C7: variants seen among roughly 807,000 people sequenced by gnomAD.
The protein encoded by C7 is complement component C7.
A neutral mutation model predicts 104.8 loss-of-function variants in C7; 83 were observed. The observed-to-expected ratio is 0.79, with a 90% CI of 0.66 to 0.95. The LOEUF is 0.95. Among genes scored for constraint, C7 ranks in the 40% least tolerant of loss-of-function variants. The pLI is 0.00. For synonymous variants in C7, 415 were observed against 360.6 expected (o/e 1.15, Z -1.71); for missense variants, 1,070 against 1,011.2 (o/e 1.06, Z -0.79).
chr5:40,963,199 T>C (rs1233565559), intron 13 of C7, among the ~76,000 whole-genome samples: 1 of 152,190 alleles, frequency 6.6e-6, no homozygotes. Context: ...TATTGCTCTG[T>C]GGACTGGCTG....
chr5:40,919,355 C>T (rs1739393328), intron 1 of C7, among the ~76,000 whole-genome samples: 1 of 152,104 alleles, frequency 6.6e-6, no homozygotes, highest in Non-Finnish European at 1.5e-5. Flanking sequence ...AAACTCCTAA[C>T]CTCAAGTGAT....
chr5:40,966,449 G>A (rs1740552944), intron 14 of C7, among the ~76,000 whole-genome samples: 2 of 151,270 alleles, frequency 1.3e-5, no homozygotes, highest in South Asian at 4.2e-4. Flanking sequence ...TCAGCTCACT[G>A]CAACCTCTGC....
intron 14 of C7, among the ~76,000 whole-genome samples, chr5:40,966,356 T>C (rs537778909): frequency 6.6e-6 from 1 of 152,000 alleles, no homozygotes; most frequent in Non-Finnish European, 1.5e-5. Flanking sequence ...AGTGAGAACA[T>C]GCAATGTTTG....
intron 9 of C7, chr5:40,955,049 T>C (rs970048425): frequency 3.0e-5 from 8 of 266,688 alleles, no homozygotes; most frequent in African/African-American, 1.4e-4. Flanking sequence ...CAACATCTCC[T>C]AACAGAGTGG....
intron 10 of C7, among the ~76,000 whole-genome samples, chr5:40,956,730 C>A (rs1157633014): frequency 6.6e-6 from 1 of 152,242 alleles, no homozygotes; most frequent in Non-Finnish European, 1.5e-5. Flanking sequence ...TGCAATAGGT[C>A]CTCAAGTCCC....
rs796142372 is a variant in C7 at position 40,954,517 on chromosome 5, T to G, written c.1094-870T>G. Among the ~76,000 whole-genome samples, 40 of 152,224 alleles carry G rather than the reference T, an allele frequency of 2.6e-4. 1 individual carries two copies. Among genetic ancestry groups the G allele is most frequent in the African/African-American group, 9.4e-4 (39 of 41,556 alleles). ...TAATGTGATACTCACACTAAAAATA[T>G]AAAGAACATGAACAATAATTCCCTA... On this transcript the variant is annotated intron_variant, in intron 9 of 17. Coordinates refer to ENST00000313164, the MANE Select transcript of C7 (RefSeq NM_000587.4).
At chr5:40,975,644 G>A (rs374368292) in intron 15 of C7, among the ~76,000 whole-genome samples, 5 of 152,114 alleles carry the variant, frequency 3.3e-5, no homozygotes, top group South Asian at 2.1e-4. Context: ...GATTACGGGC[G>A]TGAGCCACCG....
intron 6 of C7, among the ~76,000 whole-genome samples, chr5:40,939,992 C>T (rs894606263): frequency 2.1e-4 from 32 of 152,206 alleles, no homozygotes; most frequent in South Asian, 1.9e-3. Flanking sequence ...TTTTGAGGAG[C>T]AGTCTGAGGG....
chr5:40,921,375 A>G (rs1020187720), intron 1 of C7, among the ~76,000 whole-genome samples: 1 of 152,098 alleles, frequency 6.6e-6, no homozygotes, highest in Non-Finnish European at 1.5e-5. Context: ...TAAAATATCT[A>G]TACTCCCCAA....
rs1236857605 is a variant in C7, at chr5:40,982,152, T to A, written c.*579T>A. ...AGATAGGAATTCCTTATTCTTTTTT[T>A]AATTTTTTTAAGACAGAGTCTCACT... On this transcript the variant is annotated 3_prime_UTR_variant, in exon 18 of 18. Coordinates refer to ENST00000313164, the MANE Select transcript of C7 (RefSeq NM_000587.4). 6.6e-6 allele frequency: 1 copy of A among 152,208 alleles called. No homozygotes were observed. The highest frequency in any genetic ancestry group is 1.5e-5 in the Non-Finnish European group (1 of 68,076). The allele number at this position is 152,208 out of a possible 1,614,324, so 9.4% of individuals were successfully genotyped here.
At chr5:40,932,757 G>T (rs1739722961) in intron 3 of C7, among the ~76,000 whole-genome samples, 1 of 152,116 alleles carries the variant, frequency 6.6e-6, no homozygotes, top group South Asian at 2.1e-4. Context: ...ACACTAAATA[G>T]AAGCAGAGAG....
intron 1 of C7, among the ~76,000 whole-genome samples, chr5:40,915,254 T>C (rs1354994127): frequency 6.6e-6 from 1 of 152,188 alleles, no homozygotes; most frequent in East Asian, 1.9e-4. Context: ...GATTCTGTTT[T>C]ACTCTTGTCT....
intron 14 of C7, chr5:40,967,910 T>C (rs1030101026): frequency 1.3e-5 from 2 of 152,336 alleles, no homozygotes; most frequent in African/African-American, 4.8e-5. Context: ...ATTTTCTTTA[T>C]ATTTTTCTGG....
intron 14 of C7, among the ~76,000 whole-genome samples, chr5:40,967,303 A>G (rs1270016628): frequency 6.6e-6 from 1 of 152,018 alleles, no homozygotes; most frequent in East Asian, 1.9e-4. Flanking sequence ...TGACCTCATG[A>G]TTTGTCCGCC....
Position 40,940,297 on chromosome 5 carries a change from T to C in C7, c.567+2607T>C, listed in dbSNP as rs140103193. On this transcript the variant is annotated intron_variant, in intron 6 of 17. Coordinates refer to ENST00000313164, the MANE Select transcript of C7 (RefSeq NM_000587.4). ...CGAGTAAGCTACTTAACTTTGATGC[T>C]GTGCACATTCTCTGTCTACTTATAC... Among the ~76,000 whole-genome samples, 3 of 152,348 alleles carry C rather than the reference T, an allele frequency of 2.0e-5. No individual in the cohort carries two copies. The East Asian group carries it at 5.8e-4, about 29-fold the overall frequency.
intron 14 of C7, among the ~76,000 whole-genome samples, chr5:40,970,313 G>A (rs1033543933): frequency 3.0e-4 from 46 of 152,126 alleles, no homozygotes; most frequent in African/African-American, 9.9e-4. Context: ...AAGTCCATTA[G>A]GGATATTAGC....
rs1311742298 is a variant in C7 at position 40,949,805 on chromosome 5, C to T, written c.983-99C>T. The stretch of plus-strand genomic sequence containing the variant: ...ATCATGTCACTCTTGATTAGATGGC[C>T]ATAGTAGCAGCAAACAACCTCTTAT... On this transcript the variant is annotated intron_variant, in intron 8 of 17. Coordinates refer to ENST00000313164, the MANE Select transcript of C7 (RefSeq NM_000587.4). 4.1e-6 allele frequency: 3 copies of T among 729,928 alleles called. No individual in the cohort carries two copies. The South Asian group carries it at 4.7e-5, about 11-fold the overall frequency. 45.2% of individuals were successfully genotyped at this position (729,928 alleles called of 1,614,324 possible). A position where few individuals can be genotyped will look rare whatever the true frequency, so the allele number is the denominator to read the frequency against.
At chr5:40,917,058 C>T (rs1443678015) in intron 1 of C7, among the ~76,000 whole-genome samples, 1 of 150,762 alleles carries the variant, frequency 6.6e-6, no homozygotes, top group Non-Finnish European at 1.5e-5. Flanking sequence ...TCACTTGAAT[C>T]TGGGAGGCAG....
chr5:40,964,523 A>G (rs929313080), intron 13 of C7: 1 of 415,140 alleles, frequency 2.4e-6, no homozygotes, highest in Non-Finnish European at 4.4e-6. Context: ...AGCAATCAAT[A>G]CATTATAGAC....
Sources: allele counts gnomAD v4.1 joint callset (sites outside exome capture counted in the v4.1 genomes callset), GRCh38; gene constraint gnomAD v4.1.1; transcripts MANE v1.5; gene names NCBI Gene and HGNC (gene_info 2026-07-23, HGNC 2026-07-21).